Variants in PPP2R2C observed in about 807,000 individuals in gnomAD.
PPP2R2C encodes the protein protein phosphatase 2, regulatory subunit B, gamma.
A neutral mutation model predicts 45.3 loss-of-function variants in PPP2R2C; 10 were observed. That is an observed-to-expected ratio of 0.22 (90% confidence interval 0.14 to 0.37). PPP2R2C has a LOEUF of 0.37. Ranked by LOEUF, PPP2R2C falls within the 10% of genes least tolerant of loss-of-function variation. The pLI is 1.00. For synonymous variants in PPP2R2C, 257 were observed against 245.4 expected (o/e 1.05, Z -0.44); for missense variants, 308 against 619.7 (o/e 0.50, Z 5.34).
rs6446490 is a variant in PPP2R2C, at chr4:6,322,920, G to A, written c.*382C>T. 77,003 of 162,808 alleles carry A rather than the reference G, an allele frequency of 0.47. 19,258 individuals carry two copies. Among genetic ancestry groups the A allele is most frequent in the East Asian group, 0.86 (4,911 of 5,678 alleles). 10.1% of individuals were successfully genotyped at this position (162,808 alleles called of 1,614,324 possible). On this transcript the variant is annotated 3_prime_UTR_variant, in exon 9 of 9. Coordinates refer to ENST00000382599, the MANE Select transcript of PPP2R2C (RefSeq NM_020416.4). This position sits in a 1 kb window ranked among gnomAD's most constrained non-coding sequence, Gnocchi z 7.8. ...TCAGCTCCGGTCCCTGCAACAGGAC[G>A]CACTGGAGTGAAAAATTAACCCGGA...
intron 1 of PPP2R2C, among the ~76,000 whole-genome samples, chr4:6,435,729 A>C (rs1281613737): frequency 1.3e-5 from 2 of 152,190 alleles, no homozygotes; most frequent in African/African-American, 4.8e-5. Context: ...TTTCTTGTTA[A>C]GATCAGATGC....
At chr4:6,507,994 C>T (rs999456428) in intron 2 of PPP2R2C, among the ~76,000 whole-genome samples, 1 of 152,228 alleles carries the variant, frequency 6.6e-6, no homozygotes, top group African/African-American at 2.4e-5. Context: ...GCATTTGATG[C>T]TGAGCACAGT....
intron 1 of PPP2R2C, among the ~76,000 whole-genome samples, chr4:6,423,286 C>G (rs762649181): frequency 6.6e-6 from 1 of 152,228 alleles, no homozygotes; most frequent in Admixed American, 6.5e-5. Context: ...TCACTGCAAC[C>G]TCTGCCTCCC....
Position 6,409,829 on chromosome 4 carries a change from G to A in PPP2R2C, c.71-28735C>T, listed in dbSNP as rs79447356. 4.8e-3 allele frequency among the ~76,000 whole-genome samples: 724 copies of A among 152,298 alleles called. 1 individual carries two copies. Among genetic ancestry groups the A allele is most frequent in the Non-Finnish European group, 7.0e-3 (473 of 68,022 alleles). ...ATGCCCCGCTCCCCAAACATGCGGT[G>A]CCCTTTTATCCTCCAAGCCTTTGCC... On this transcript the variant is annotated intron_variant, in intron 1 of 8. Transcript: ENST00000382599.
chr4:6,554,856 T>C (rs187026532), intron 1 of PPP2R2C, among the ~76,000 whole-genome samples: 2 of 87,406 alleles, frequency 2.3e-5, no homozygotes, highest in Non-Finnish European at 4.4e-5. Context: ...TGAGACTCCA[T>C]CTCAAAAAAA....
chr4:6,452,514 C>T (rs1290324405), intron 1 of PPP2R2C, among the ~76,000 whole-genome samples: 1 of 152,306 alleles, frequency 6.6e-6, no homozygotes, highest in East Asian at 1.9e-4. Context: ...AGATAGAGTC[C>T]CCATTTCACA....
At chr4:6,381,379 ACT>A (rs1560500051) in intron 1 of PPP2R2C, 2 of 1,465,528 alleles carry the variant, frequency 1.4e-6, no homozygotes, top group South Asian at 2.5e-5. Flanking sequence ...GTAACTGGAC[ACT>A]CTATGGGACT....
At position 6,563,307 on chromosome 4, in the gene PPP2R2C, C is replaced by T. The variant is rs1384756235; in HGVS notation, c.-59+253G>A. Among the ~76,000 whole-genome samples the T allele has an allele frequency of 6.6e-6, 1 of 152,198 alleles. No homozygotes were observed. Among genetic ancestry groups the T allele is most frequent in the African/African-American group, 2.4e-5 (1 of 41,462 alleles). On this transcript the variant is annotated intron_variant, in intron 1 of 9. Transcript: ENST00000506140. The surrounding 1 kb of genome is among the most constrained non-coding windows in gnomAD (Gnocchi z 5.8). ...CCTCAAGACCCCGAGAGCACGCGCT[C>T]CGGAGGGACCCCGGCACTTCGGACC... is the stretch of plus-strand genomic sequence containing the variant.
intron 1 of PPP2R2C, among the ~76,000 whole-genome samples, chr4:6,457,296 G>A (rs1020517727): frequency 4.0e-5 from 6 of 151,780 alleles, no homozygotes; most frequent in African/African-American, 1.5e-4. Context: ...ATTCTTCTGT[G>A]GCCTTTAAAA....
intron 1 of PPP2R2C, among the ~76,000 whole-genome samples, chr4:6,451,080 C>T (rs1326858586): frequency 3.3e-5 from 5 of 152,212 alleles, no homozygotes. Flanking sequence ...CCAAGCTGGT[C>T]AGGCGATGCT....
chr4:6,412,818 G>T (rs1369393619), intron 1 of PPP2R2C, among the ~76,000 whole-genome samples: 1 of 152,070 alleles, frequency 6.6e-6, no homozygotes, highest in African/African-American at 2.4e-5. Context: ...CCATGAATGG[G>T]ATTAGTGCCC....
chr4:6,472,303 C>T lies in PPP2R2C; in HGVS notation c.-74G>A, dbSNP rs1480547183. On this transcript the variant is annotated 5_prime_UTR_variant, in exon 1 of 9. Coordinates refer to ENST00000382599, the MANE Select transcript of PPP2R2C (RefSeq NM_020416.4). ...TGCAATCCGCAGAGGTCGCGCCGGG[C>T]GCGCGGGCCATGCCGCCGCAGCCTA... 2 of 1,586,892 alleles carry T rather than the reference C, an allele frequency of 1.3e-6. No homozygotes were observed. The highest frequency in any genetic ancestry group is 8.6e-7 in the Non-Finnish European group (1 of 1,167,258).
At chr4:6,347,689 G>A (rs1712122369) in intron 6 of PPP2R2C, among the ~76,000 whole-genome samples, 157 bp downstream of exon 6, 1 of 152,130 alleles carries the variant, frequency 6.6e-6, no homozygotes, top group Non-Finnish European at 1.5e-5. Flanking sequence ...TCCCCGACCA[G>A]CCAGCGCTGA....
At chr4:6,531,232 C>T (rs924464653) in intron 2 of PPP2R2C, among the ~76,000 whole-genome samples, 1 of 152,204 alleles carries the variant, frequency 6.6e-6, no homozygotes, top group African/African-American at 2.4e-5. Context: ...CGAGGAAGCA[C>T]CCACCAAGTC....
At chr4:6,370,118 G>T (rs562153950) in intron 5 of PPP2R2C, among the ~76,000 whole-genome samples, 2 of 152,350 alleles carry the variant, frequency 1.3e-5, no homozygotes, top group East Asian at 3.9e-4. Flanking sequence ...CGAGAAGGGT[G>T]GCTGCCACTG....
chr4:6,525,890 T>A lies in PPP2R2C; in HGVS notation c.49+9381A>T, dbSNP rs140896331. On this transcript the variant is annotated intron_variant, in intron 2 of 9. Coordinates refer to the PPP2R2C transcript ENST00000506140. Reference sequence around the variant, plus strand: ...AGCTAATTTTTATATTTTTAGTAGATACAGCGTTTCACCATGTTGGCCAGG... The same window carrying A: ...AGCTAATTTTTATATTTTTAGTAGAAACAGCGTTTCACCATGTTGGCCAGG... 3.0e-3 allele frequency among the ~76,000 whole-genome samples: 463 copies of A among 152,124 alleles called. 1 individual carries two copies. Among genetic ancestry groups the A allele is most frequent in the African/African-American group, 0.01 (434 of 41,518 alleles).
chr4:6,477,596 G>A (rs796123443), upstream of PPP2R2C, among the ~76,000 whole-genome samples: 9 of 152,086 alleles, frequency 5.9e-5, no homozygotes, highest in African/African-American at 1.7e-4. Flanking sequence ...CATGGTGGTG[G>A]GCGCCTGTTG....
intron 2 of PPP2R2C, among the ~76,000 whole-genome samples, chr4:6,478,783 G>T (rs11938125): frequency 0.97 from 147,397 of 152,320 alleles, 71,514 homozygotes; most frequent in East Asian, 1. Flanking sequence ...AGGCTATTTC[G>T]CACTCCTGCT....
chr4:6,433,834 G>A (rs372615175), intron 1 of PPP2R2C, among the ~76,000 whole-genome samples: 89 of 152,340 alleles, frequency 5.8e-4, no homozygotes, highest in Non-Finnish European at 1.1e-3. Flanking sequence ...GTCACACAGC[G>A]AGTAGGCAGC....
Sources: gnomAD v4.1 joint callset for allele counts (sites outside exome capture counted in the v4.1 genomes callset) on GRCh38, gnomAD v4.1.1 for gene constraint, Gnocchi (gnomAD v3.1) non-coding constraint, MANE v1.5 for transcripts, NCBI Gene and HGNC (gene_info 2026-07-23, HGNC 2026-07-21) for gene names.